The following NKIRAS1 variants were observed in gnomAD, a reference collection of about 807,000 sequenced individuals.
The protein encoded by NKIRAS1 is NF-kappa-B inhibitor-interacting Ras-like protein 1.
A neutral mutation model predicts 19.8 loss-of-function variants in NKIRAS1; 16 were observed. The ratio of observed to expected loss-of-function variants is 0.81; its 90% CI spans 0.55 to 1.23. NKIRAS1 has a LOEUF of 1.23. Ranked by LOEUF, NKIRAS1 falls within the 50% of genes most tolerant of loss-of-function variation. The pLI is 0.00. For missense variants in NKIRAS1, 184 were observed against 220.0 expected, an observed-to-expected ratio of 0.84 and a Z score of 1.04; for synonymous variants, 88 against 79.0, an observed-to-expected ratio of 1.11 and a Z score of -0.61.
intron 1 of NKIRAS1, among the ~76,000 whole-genome samples, chr3:23,937,848 T>G (rs991417101): frequency 8.5e-5 from 13 of 152,188 alleles, no homozygotes; most frequent in Non-Finnish European, 1.8e-4. Context: ...TTGTTTTGGA[T>G]TTTTATATAT....
At chr3:23,917,611 G>T (rs1307590038), upstream of NKIRAS1, 2 of 456,300 alleles carry the variant, frequency 4.4e-6, no homozygotes, top group Non-Finnish European at 7.8e-6. Context: ...TTCTGGTTCT[G>T]TTAATTCGCC....
At chr3:23,918,822 C>A, upstream of NKIRAS1, 1 of 547,914 alleles carries the variant, frequency 1.8e-6, no homozygotes, top group South Asian at 2.5e-5. Flanking sequence ...CAGAAGAGAC[C>A]AAATGTGGCC....
upstream of NKIRAS1, chr3:23,920,766 A>G (rs1705034275): frequency 2.1e-6 from 2 of 971,346 alleles, no homozygotes; most frequent in Admixed American, 6.2e-5. Context: ...TTCACAAAAA[A>G]AGAAAAGATC....
Position 23,927,967 on chromosome 3 carries a change from T to C in NKIRAS1, c.-139-16517A>G, listed in dbSNP as rs1262766999. The stretch of plus-strand genomic sequence containing the variant: ...GGTGGTGCATGCCAGTAGTACCAGA[T>C]ATGCAGGAGGCTGAGGTGGAAGAAT... On this transcript the variant is annotated intron_variant, in intron 1 of 4. Coordinates refer to the NKIRAS1 transcript ENST00000421515. This position sits in a 1 kb window ranked among gnomAD's most constrained non-coding sequence, Gnocchi z 4.0. 1.3e-5 allele frequency among the ~76,000 whole-genome samples: 2 copies of C among 151,904 alleles called. No homozygotes were observed. Among genetic ancestry groups the C allele is most frequent in the Non-Finnish European group, 2.9e-5 (2 of 68,004 alleles).
chr3:23,893,361 A>G, intron 4 of NKIRAS1, 24 bp from the exon 5 acceptor site: 1 of 1,608,162 alleles, frequency 6.2e-7, no homozygotes. Flanking sequence ...GATTGAAAAG[A>G]TCATACTAGT....
At chr3:23,942,338 CT>C (rs940054577) in intron 1 of NKIRAS1, among the ~76,000 whole-genome samples, 1 of 152,188 alleles carries the variant, frequency 6.6e-6, no homozygotes, top group Non-Finnish European at 1.5e-5. Context: ...AAACGCACAG[CT>C]TCTCCCACTA....
At chr3:23,919,682 A>G (rs1704963369), upstream of NKIRAS1, 2 of 1,392,944 alleles carry the variant, frequency 1.4e-6, no homozygotes, top group Admixed American at 3.1e-5. Flanking sequence ...CTTGTTTCTA[A>G]TAAGATAAAC....
At chr3:23,919,477 T>C, upstream of NKIRAS1, 1 of 1,589,084 alleles carries the variant, frequency 6.3e-7, no homozygotes, top group Non-Finnish European at 8.5e-7. Flanking sequence ...GGCGCAATAC[T>C]CTCCAGCTCC....
At chr3:23,916,099 G>C (rs995375013) in intron 1 of NKIRAS1, 4 of 151,990 alleles carry the variant, frequency 2.6e-5, no homozygotes, top group African/African-American at 7.3e-5. Context: ...TCTTAAAAAC[G>C]TAAAGCTGTG....
intron 3 of NKIRAS1, among the ~76,000 whole-genome samples, chr3:23,907,031 T>G (rs1426968878): frequency 6.6e-6 from 1 of 152,000 alleles, no homozygotes; most frequent in Non-Finnish European, 1.5e-5. Flanking sequence ...ATAGCTGAGA[T>G]TACAGGCACG....
Position 23,891,632 on chromosome 3 carries a change from TA to T in NKIRAS1, c.*1462del, listed in dbSNP as rs1443588458. ...TCATGGATAAATTGGTACCCTGCCT[TA>T]GGGGGCATTTTGGCAGTACATGTCC... On this transcript the variant is annotated 3_prime_UTR_variant, in exon 5 of 5. Transcript: ENST00000425478. 2.0e-5 allele frequency: 3 copies of T among 152,194 alleles called. No homozygotes were observed. The highest frequency in any genetic ancestry group is 6.5e-5 in the Admixed American group (1 of 15,270). 9.4% of individuals were successfully genotyped at this position (152,194 alleles called of 1,614,324 possible).
chr3:23,904,754 G>A (rs1459757327), intron 3 of NKIRAS1, among the ~76,000 whole-genome samples: 1 of 152,088 alleles, frequency 6.6e-6, no homozygotes, highest in Non-Finnish European at 1.5e-5. Context: ...AGCTGATAAA[G>A]TTAAAGAGAC....
chr3:23,939,988 T>G (rs749523380), intron 1 of NKIRAS1, among the ~76,000 whole-genome samples: 3 of 152,066 alleles, frequency 2.0e-5, no homozygotes, highest in Non-Finnish European at 4.4e-5. Flanking sequence ...CTACAGCAAC[T>G]AAGGAATGAA....
At chr3:23,910,990 A>G (rs533663280) in intron 2 of NKIRAS1, 69 bp from the exon 3 acceptor site, 3 of 1,205,836 alleles carry the variant, frequency 2.5e-6, no homozygotes, top group African/African-American at 3.0e-5. Context: ...TTCTTTCAGT[A>G]TTTCAATTTA....
At chr3:23,909,883 G>A (rs1447004064) in intron 3 of NKIRAS1, among the ~76,000 whole-genome samples, 1 of 127,924 alleles carries the variant, frequency 7.8e-6, no homozygotes, top group Non-Finnish European at 1.6e-5. Context: ...TTTTTGAGAT[G>A]GAGTCTCGCT....
At chr3:23,919,907 C>T (rs1182790151), upstream of NKIRAS1, 20 of 991,866 alleles carry the variant, frequency 2.0e-5, no homozygotes, top group Non-Finnish European at 2.3e-5. Flanking sequence ...TTTAGTTTGG[C>T]AGGTGTAGAC....
chr3:23,921,566 TTGAG>T (rs1169232187), upstream of NKIRAS1: 6 of 675,012 alleles, frequency 8.9e-6, no homozygotes, highest in Non-Finnish European at 1.6e-5. Flanking sequence ...ACATTGATTA[TTGAG>T]TTTTTTTTTT....
At chr3:23,930,466 C>CA (rs774861812) in intron 1 of NKIRAS1, among the ~76,000 whole-genome samples, 3 of 130,430 alleles carry the variant, frequency 2.3e-5, no homozygotes, top group South Asian at 2.4e-4. Context: ...AATAAGCCGC[C>CA]AAAAAAAAGG....
At chr3:23,910,164 T>C in intron 3 of NKIRAS1, among the ~76,000 whole-genome samples, 1 of 148,298 alleles carries the variant, frequency 6.7e-6, no homozygotes, top group East Asian at 2.0e-4. Flanking sequence ...GCCTTTTTTT[T>C]TTTTTTTTTT....
Sources: gnomAD v4.1 joint callset for allele counts (sites outside exome capture counted in the v4.1 genomes callset) on GRCh38, gnomAD v4.1.1 for gene constraint, Gnocchi (gnomAD v3.1) non-coding constraint, MANE v1.5 for transcripts, NCBI Gene and HGNC (gene_info 2026-07-23, HGNC 2026-07-21) for gene names.